COL16A1: variants seen among roughly 807,000 people sequenced by gnomAD.
The protein encoded by COL16A1 is collagen alpha-1(XVI) chain.
Under a neutral mutation model 266.3 loss-of-function variants are expected in COL16A1, and 189 were observed. The ratio of observed to expected loss-of-function variants is 0.71; its 90% CI spans 0.63 to 0.80. The LOEUF (loss-of-function observed/expected upper bound fraction) is 0.80, where lower values mean the gene tolerates loss of function less well. Among genes scored for constraint, COL16A1 ranks in the 30% least tolerant of loss-of-function variants. COL16A1 has a pLI of 0.00. For missense variants in COL16A1, 1,928 were observed against 2,122.4 expected (o/e 0.91, Z 1.80); for synonymous variants, 740 against 782.3 (o/e 0.95, Z 0.90).
rs1644170034 is a variant in COL16A1 at position 31,689,744 on chromosome 1, G to A, written c.1617C>T (p.Ala539=). The A allele has an allele frequency of 1.9e-6, 3 of 1,613,562 alleles. No individual in the cohort carries two copies. The highest frequency in any genetic ancestry group is 1.3e-5 in the African/African-American group (1 of 74,902). ...PKGEPGDPVP[A]RGDPGIQGIK... is the part of the protein sequence containing the mutation. Reference sequence around the variant, plus strand: ...AATGGTCACCCTGGGCACTCACCCTGGCTGGTACAGGATCACCAGGCTCCC... The same window carrying A: ...AATGGTCACCCTGGGCACTCACCCTAGCTGGTACAGGATCACCAGGCTCCC... The change falls in exon 23 of 71, where the codon GCC becomes GCT. Residue 539 remains alanine (A), a synonymous_variant. Transcript: ENST00000373672.
Position 31,672,859 on chromosome 1 carries a change from G to A in COL16A1, c.2860-19C>T, listed in dbSNP as rs761072478. 1.2e-6 allele frequency: 2 copies of A among 1,610,736 alleles called. No homozygotes were observed. Among genetic ancestry groups the A allele is most frequent in the Non-Finnish European group, 1.7e-6 (2 of 1,177,754 alleles). ...AGATACTCTGATCAGGGAGTGGGGAGAGGAGTGGGGCCTGGGTTAGAGATG... is the reference window on the plus strand; with the variant it reads ...AGATACTCTGATCAGGGAGTGGGGAAAGGAGTGGGGCCTGGGTTAGAGATG... On this transcript the variant is annotated intron_variant, in intron 44 of 70. Transcript: ENST00000373672.
intron 56 of COL16A1, 131 bp from the exon 57 acceptor site, chr1:31,662,789 C>G: frequency 1.1e-6 from 1 of 900,562 alleles, no homozygotes; most frequent in Non-Finnish European, 1.7e-6. Flanking sequence ...GCTTCTGGGC[C>G]CAATCTGTCC....
At chr1:31,701,293 C>G in intron 2 of COL16A1, 4 of 984,928 alleles carry the variant, frequency 4.1e-6, no homozygotes, top group Non-Finnish European at 4.8e-6. Flanking sequence ...CCATCCCCCC[C>G]AGGGGACCCA....
chr1:31,668,896 T>TGCCCCCCC lies in COL16A1; in HGVS notation c.3196-42_3196-41insGGGGGGGC. 2.5e-6 allele frequency: 4 copies of TGCCCCCCC among 1,569,674 alleles called. No individual in the cohort carries two copies. Among genetic ancestry groups the TGCCCCCCC allele is most frequent in the Non-Finnish European group, 1.7e-6 (2 of 1,150,084 alleles). On this transcript the variant is annotated intron_variant, in intron 49 of 70. Coordinates refer to ENST00000373672, the MANE Select transcript of COL16A1 (RefSeq NM_001856.4). This position sits in a 1 kb window ranked among gnomAD's most constrained non-coding sequence, Gnocchi z 5.8. The stretch of plus-strand genomic sequence containing the variant: ...CATGAGAAACTGCAGGAGCCGGCGG[T>TGCCCCCCC]CCCCACCCAGCCCCTGACTCCTTCC...
At position 31,653,919 on chromosome 1, in the gene COL16A1, C is replaced by G. The variant is rs1293325971; in HGVS notation, c.4482G>C (p.Gly1494=). ...CTTCTCTGCCAATCTGACCAGGGAG[C>G]CCAGGTGACCCTGGAGCACCTGGCC... ...PGRPGAPGSP[G]LPGQIGREGR... is the part of the protein sequence containing the mutation. Residue 1494 remains glycine (G), a synonymous_variant, in exon 69 of 71, where the codon GGG becomes GGC. Transcript: ENST00000373672. 5 of 1,614,060 alleles carry G rather than the reference C, an allele frequency of 3.1e-6. No homozygotes were observed. The highest frequency in any genetic ancestry group is 4.2e-6 in the Non-Finnish European group (5 of 1,179,944).
At chr1:31,700,305 C>T (rs1355208048) in intron 2 of COL16A1, among the ~76,000 whole-genome samples, 190 bp from the exon 3 acceptor site, 1 of 152,212 alleles carries the variant, frequency 6.6e-6, no homozygotes, top group African/African-American at 2.4e-5. Flanking sequence ...ACCCAGCATA[C>T]AGTTTGGAAG....
At chr1:31,683,914 G>C (rs373935924) in intron 33 of COL16A1, 36 bp downstream of exon 33, 28 of 1,613,382 alleles carry the variant, frequency 1.7e-5, no homozygotes, top group Non-Finnish European at 2.4e-5. Flanking sequence ...CTGCCCTCAC[G>C]TAGCTACGGC....
chr1:31,674,939 C>T, intron 44 of COL16A1, 68 bp downstream of exon 44: 1 of 1,589,566 alleles, frequency 6.3e-7, no homozygotes, highest in South Asian at 1.1e-5. Flanking sequence ...CAGCTGAGCA[C>T]TTACTAAGAG....
At position 31,661,271 on chromosome 1, in the gene COL16A1, C is replaced by T; in HGVS notation, c.3771+143G>A. On this transcript the variant is annotated intron_variant, in intron 60 of 70. Transcript: ENST00000373672. ...CAGCTGGTAGACAGAGAAGCCCTGA[C>T]CCAGTCTGCCAGGCACCAGTGGCCC... 4 of 1,508,766 alleles carry T rather than the reference C, an allele frequency of 2.7e-6. No homozygotes were observed. In the East Asian group the frequency reaches 9.1e-5, roughly 34 times the overall value. The allele number at this position is 1,508,766 out of a possible 1,614,324, so 93.5% of individuals were successfully genotyped here. A position where few individuals can be genotyped will look rare whatever the true frequency, so the allele number is the denominator to read the frequency against.
intron 64 of COL16A1, 25 bp downstream of exon 64, chr1:31,658,463 T>A: frequency 2.5e-6 from 4 of 1,572,892 alleles, no homozygotes; most frequent in Non-Finnish European, 3.5e-6. Flanking sequence ...CCCCCTGGGC[T>A]ATGCTGTAGA....
chr1:31,691,653 A>T lies in COL16A1; in HGVS notation c.1258-11T>A, dbSNP rs1644274963. ...CTCTCCTGGCCGGCCCTGTGGGGGG[A>T]TAAGGGGGAGGGTGTACAAACAGCC... On this transcript the variant is annotated splice_polypyrimidine_tract_variant and intron_variant, in intron 17 of 70. Coordinates refer to ENST00000373672, the MANE Select transcript of COL16A1 (RefSeq NM_001856.4). The T allele has an allele frequency of 6.2e-7, 1 of 1,612,542 alleles. No individual in the cohort carries two copies. Among genetic ancestry groups the T allele is most frequent in the East Asian group, 2.2e-5 (1 of 44,864 alleles).
Position 31,665,781 on chromosome 1 carries a change from A to G in COL16A1, c.3456+101T>C. On this transcript the variant is annotated intron_variant, in intron 54 of 70. Transcript: ENST00000373672. ...TGAGGCTCTGGGCATGAGGTAGGTC[A>G]CAACCCAAGGACAGGTAGGGTGGGG... The G allele has an allele frequency of 1.9e-6, 3 of 1,603,466 alleles. No individual in the cohort carries two copies. In the Admixed American group the frequency reaches 5.0e-5, roughly 27 times the overall value.
intron 44 of COL16A1, 140 bp from the exon 45 acceptor site, chr1:31,672,980 G>T: frequency 1.2e-6 from 1 of 803,856 alleles, no homozygotes; most frequent in Non-Finnish European, 2.1e-6. Flanking sequence ...TCCCTCCCCA[G>T]CCGCATCCCT....
chr1:31,685,557 G>T lies in COL16A1; in HGVS notation c.2016+82C>A. On this transcript the variant is annotated intron_variant, in intron 29 of 70. Coordinates refer to ENST00000373672, the MANE Select transcript of COL16A1 (RefSeq NM_001856.4). The surrounding 1 kb of genome is among the most constrained non-coding windows in gnomAD (Gnocchi z 4.0). ...TACCCCCAACTGCCCAGGGAGTCAA[G>T]AGACCCAGGCAGGACCCCTCCCCTC... 1.5e-6 allele frequency: 2 copies of T among 1,352,882 alleles called. No individual in the cohort carries two copies. The highest frequency in any genetic ancestry group is 1.0e-6 in the Non-Finnish European group (1 of 993,790). The allele number at this position is 1,352,882 out of a possible 1,614,324, so 83.8% of individuals were successfully genotyped here. A position where few individuals can be genotyped will look rare whatever the true frequency, so the allele number is the denominator to read the frequency against.
chr1:31,655,267 GC>G (rs1288431689), intron 67 of COL16A1, 46 bp downstream of exon 67: 8 of 1,574,910 alleles, frequency 5.1e-6, no homozygotes, highest in Non-Finnish European at 6.9e-6. Context: ...CACCCCACAT[GC>G]CTGCTCTATG....
At chr1:31,693,476 A>G (rs1047249313) in intron 12 of COL16A1, among the ~76,000 whole-genome samples, 3 of 152,210 alleles carry the variant, frequency 2.0e-5, no homozygotes, top group Admixed American at 1.3e-4. Flanking sequence ...GCATATGGAC[A>G]CACACATGCA....
chr1:31,700,888 G>A lies in COL16A1; in HGVS notation c.74-773C>T, dbSNP rs532610357. Among the ~76,000 whole-genome samples the A allele has an allele frequency of 3.9e-5, 6 of 152,336 alleles. No individual in the cohort carries two copies. The East Asian group carries it at 1.2e-3, about 29-fold the overall frequency. ...ATGGGTTAGGGCTCCCAGAGAAGGA[G>A]ATAGCTTAACTCAGGTTTCCAAAGC... On this transcript the variant is annotated intron_variant, in intron 2 of 70. Coordinates refer to ENST00000373672, the MANE Select transcript of COL16A1 (RefSeq NM_001856.4).
In COL16A1 at chr1:31,686,125, C is replaced by T; in HGVS notation, c.1850G>A (p.Gly617Glu). ...TTTGATGCCTGCTGGCCCCACTGGT[C>T]CTGGTGGCCCCTGCATGTTAAGACG... ...AGPAGSPGPP[G>E]PVGPAGIKGA... The change falls in exon 28 of 71, where the codon GGA becomes GAA. Residue 617 changes from glycine (G) to glutamate (E), a missense_variant. Around this residue, in one of 2 missense-constraint regions of COL16A1, gnomAD observed 1,552 missense variants for 1,637.2 expected, o/e 0.95. Coordinates refer to ENST00000373672, the MANE Select transcript of COL16A1 (RefSeq NM_001856.4). 6.2e-7 allele frequency: 1 copy of T among 1,614,122 alleles called. No individual in the cohort carries two copies. Among genetic ancestry groups the T allele is most frequent in the Non-Finnish European group, 8.5e-7 (1 of 1,180,012 alleles).
Position 31,652,618 on chromosome 1 carries a change from C to A in COL16A1, c.*33G>T, listed in dbSNP as rs764202561. ...ATAAGCTTTGGCCATTTATTCCCAA[C>A]GGAGTCTTTCATCCAAAGGCAGGTG... On this transcript the variant is annotated 3_prime_UTR_variant, in exon 71 of 71. Coordinates refer to ENST00000373672, the MANE Select transcript of COL16A1 (RefSeq NM_001856.4). This position sits in a 1 kb window ranked among gnomAD's most constrained non-coding sequence, Gnocchi z 4.8. The A allele has an allele frequency of 6.5e-7, 1 of 1,528,204 alleles. No homozygotes were observed. The highest frequency in any genetic ancestry group is 8.8e-7 in the Non-Finnish European group (1 of 1,141,604). 94.7% of individuals were successfully genotyped at this position (1,528,204 alleles called of 1,614,324 possible). A position where few individuals can be genotyped will look rare whatever the true frequency, so the allele number is the denominator to read the frequency against.
Sources: gnomAD v4.1 joint callset for allele counts (sites outside exome capture counted in the v4.1 genomes callset) on GRCh38, gnomAD v4.1.1 for gene constraint, gnomAD v4.1.1 regional missense constraint, Gnocchi (gnomAD v3.1) non-coding constraint, MANE v1.5 for transcripts, NCBI Gene and HGNC (gene_info 2026-07-23, HGNC 2026-07-21) for gene names.